The following PKN2 variants were observed in gnomAD, a reference collection of about 807,000 sequenced individuals.
PKN2 encodes the protein serine/threonine-protein kinase N2.
Under a neutral mutation model 119.1 loss-of-function variants are expected in PKN2, and 38 were observed. The ratio of observed to expected loss-of-function variants is 0.32; its 90% CI spans 0.25 to 0.42. The LOEUF (loss-of-function observed/expected upper bound fraction) is 0.42, where lower values mean the gene tolerates loss of function less well. PKN2 is among the 10% of genes least tolerant of loss of function. The pLI is 1.00. For synonymous variants in PKN2, 390 were observed against 384.9 expected, an observed-to-expected ratio of 1.01 and a Z score of -0.15; for missense variants, 850 against 1,165.1, an observed-to-expected ratio of 0.73 and a Z score of 3.94.
At chr1:88,826,557 G>C (rs1672508592) in intron 18 of PKN2, among the ~76,000 whole-genome samples, 1 of 152,016 alleles carries the variant, frequency 6.6e-6, no homozygotes, top group African/African-American at 2.4e-5. Flanking sequence ...TACCTATTAA[G>C]TAATTTCTCA....
intron 2 of PKN2, among the ~76,000 whole-genome samples, chr1:88,759,223 C>G (rs1280359242): frequency 2.0e-5 from 3 of 152,168 alleles, no homozygotes; most frequent in Non-Finnish European, 4.4e-5. Context: ...ATTAGCCAGG[C>G]ATGGTGGCGT....
rs929368635 is a variant in PKN2 at position 88,833,634 on chromosome 1, C to T, written c.*186C>T. On this transcript the variant is annotated 3_prime_UTR_variant, in exon 22 of 22. Coordinates refer to ENST00000370521, the MANE Select transcript of PKN2 (RefSeq NM_006256.4). ...TCTTCAAAAGTGGCTCCTCATTGTA[C>T]TTCAGCGTAAATATGAGCACTGGAA... The T allele has an allele frequency of 3.5e-6, 2 of 573,700 alleles. No individual in the cohort carries two copies. Among genetic ancestry groups the T allele is most frequent in the Admixed American group, 3.2e-5 (1 of 30,918 alleles). 35.5% of individuals were successfully genotyped at this position (573,700 alleles called of 1,614,324 possible).
intron 3 of PKN2, among the ~76,000 whole-genome samples, chr1:88,768,347 A>G (rs1002562903): frequency 3.3e-5 from 5 of 152,140 alleles, no homozygotes; most frequent in Non-Finnish European, 7.4e-5. Context: ...CTTCTGGAGG[A>G]TGTAGGGCAG....
intron 7 of PKN2, 71 bp downstream of exon 7, chr1:88,784,895 C>G: frequency 1.3e-6 from 1 of 781,760 alleles, no homozygotes; most frequent in East Asian, 2.9e-5. Context: ...ATGAAGTGTT[C>G]AAGTTGGACA....
intron 6 of PKN2, among the ~76,000 whole-genome samples, chr1:88,781,963 G>A (rs1302445655): frequency 1.3e-5 from 2 of 151,876 alleles, no homozygotes; most frequent in Non-Finnish European, 2.9e-5. Flanking sequence ...ACCTCCCAAC[G>A]TTAATAGCCT....
At chr1:88,829,378 G>A (rs1485950262) in intron 19 of PKN2, 1 of 433,416 alleles carries the variant, frequency 2.3e-6, no homozygotes, top group Admixed American at 3.5e-5. Context: ...ACCTGAAGTT[G>A]CTATAGAACT....
intron 1 of PKN2, among the ~76,000 whole-genome samples, chr1:88,698,783 A>C (rs56023055): frequency 6.6e-6 from 1 of 152,120 alleles, no homozygotes; most frequent in Non-Finnish European, 1.5e-5. Flanking sequence ...TTTAGACCAT[A>C]TGCATTAACC....
In PKN2 at chr1:88,833,309, G is replaced by A. The variant is rs749668259; in HGVS notation, c.2816G>A (p.Gly939Glu). 2 of 1,613,428 alleles carry A rather than the reference G, an allele frequency of 1.2e-6. No homozygotes were observed. Among genetic ancestry groups the A allele is most frequent in the South Asian group, 1.1e-5 (1 of 91,060 alleles). The change falls in exon 22 of 22, where the codon GGA becomes GAA. Residue 939 changes from glycine (G) to glutamate (E), a missense_variant. Physicochemically the swap from Gly to Glu is moderately conservative, Grantham distance 98. This residue lies in a region of PKN2 where 95 missense variants were observed against 150.2 expected (regional missense o/e 0.63). Coordinates refer to ENST00000370521, the MANE Select transcript of PKN2 (RefSeq NM_006256.4). Reference protein sequence around the residue: ...VKPPFIPTIRGREDVSNFDDE... With the variant: ...VKPPFIPTIREREDVSNFDDE... ...CCACCATTTATACCTACCATAAGAG[G>A]ACGAGAAGATGTTAGTAATTTTGAT...
At position 88,805,487 on chromosome 1, in the gene PKN2, A is replaced by G; in HGVS notation, c.1502-10A>G. The stretch of plus-strand genomic sequence containing the variant: ...TTACTTGCTGTTTTTGTTTTTTTCA[A>G]CATCTACAGGCAAAACATTTCTCAG... On this transcript the variant is annotated splice_polypyrimidine_tract_variant and intron_variant, in intron 10 of 21. Transcript: ENST00000370521. The G allele has an allele frequency of 6.4e-7, 1 of 1,560,880 alleles. No homozygotes were observed. Among genetic ancestry groups the G allele is most frequent in the South Asian group, 1.2e-5 (1 of 84,112 alleles).
At chr1:88,772,842 AT>A (rs1375234609) in intron 6 of PKN2, among the ~76,000 whole-genome samples, 1 of 151,844 alleles carries the variant, frequency 6.6e-6, no homozygotes, top group Non-Finnish European at 1.5e-5. Flanking sequence ...AACAGTTAAT[AT>A]TTTTTTTCAT....
At chr1:88,805,414 A>AATGG in intron 10 of PKN2, 83 bp from the exon 11 acceptor site, 1 of 1,203,878 alleles carries the variant, frequency 8.3e-7, no homozygotes, top group Non-Finnish European at 1.2e-6. Flanking sequence ...ATTATAAACT[A>AATGG]ATGGATAAGA....
At chr1:88,766,651 T>G (rs1401623783) in intron 3 of PKN2, among the ~76,000 whole-genome samples, 1 of 152,182 alleles carries the variant, frequency 6.6e-6, no homozygotes, top group Non-Finnish European at 1.5e-5. Context: ...TAGTTCTACC[T>G]AAGGTATGTA....
chr1:88,746,683 T>C (rs943744106), intron 2 of PKN2, among the ~76,000 whole-genome samples: 2 of 152,246 alleles, frequency 1.3e-5, no homozygotes, highest in East Asian at 1.9e-4. Flanking sequence ...ATGGCCACTT[T>C]GGAAGACAGT....
At chr1:88,809,489 G>C (rs766246610) in intron 15 of PKN2, among the ~76,000 whole-genome samples, 2 of 152,182 alleles carry the variant, frequency 1.3e-5, no homozygotes, top group African/African-American at 2.4e-5. Flanking sequence ...CTTGATTTAC[G>C]TGGGCTTCTG....
chr1:88,750,945 C>T (rs1668963151), intron 2 of PKN2, among the ~76,000 whole-genome samples: 1 of 152,100 alleles, frequency 6.6e-6, no homozygotes, highest in Non-Finnish European at 1.5e-5. Flanking sequence ...CTGCTGCCAG[C>T]ATTTTTTTAA....
intron 19 of PKN2, chr1:88,829,514 T>C (rs1672650158): frequency 5.8e-6 from 1 of 173,478 alleles, no homozygotes. Context: ...TTCTGTAGAT[T>C]AACTTAAATT....
intron 15 of PKN2, 107 bp downstream of exon 15, chr1:88,807,882 A>C: frequency 1.5e-6 from 1 of 655,784 alleles, no homozygotes; most frequent in East Asian, 2.8e-5. Context: ...TAATATGTGA[A>C]GAAATTAAAT....
intron 1 of PKN2, among the ~76,000 whole-genome samples, chr1:88,733,860 A>G (rs1283476506): frequency 1.3e-5 from 2 of 152,204 alleles, no homozygotes; most frequent in African/African-American, 2.4e-5. Flanking sequence ...TAGTTCGAGT[A>G]TCATGTTGGC....
chr1:88,772,561 A>G (rs1053656587), intron 6 of PKN2, among the ~76,000 whole-genome samples: 2 of 152,184 alleles, frequency 1.3e-5, no homozygotes, highest in Non-Finnish European at 2.9e-5. Flanking sequence ...AACCTATACT[A>G]TATTTGATTG....
Sources: gnomAD v4.1 joint callset for allele counts (sites outside exome capture counted in the v4.1 genomes callset) on GRCh38, gnomAD v4.1.1 for gene constraint, gnomAD v4.1.1 regional missense constraint, MANE v1.5 for transcripts, NCBI Gene and HGNC (gene_info 2026-07-23, HGNC 2026-07-21) for gene names.